ANO2: variants seen among roughly 807,000 people sequenced by gnomAD.
ANO2 encodes the protein anoctamin-2.
ANO2 carries 101 observed loss-of-function variants against 124.2 expected under a neutral mutation model. The ratio of observed to expected loss-of-function variants is 0.81; its 90% CI spans 0.69 to 0.96. ANO2 has a LOEUF of 0.96. ANO2 is among the 40% of genes least tolerant of loss of function. The pLI, the probability that ANO2 is intolerant of heterozygous loss-of-function variation, is 0.00. For synonymous variants in ANO2, 486 were observed against 482.5 expected, an observed-to-expected ratio of 1.01 and a Z score of -0.09; for missense variants, 1,293 against 1,274.5, an observed-to-expected ratio of 1.01 and a Z score of -0.22.
chr12:5,631,186 G>A (rs934482982), intron 16 of ANO2, among the ~76,000 whole-genome samples: 6 of 152,172 alleles, frequency 3.9e-5, no homozygotes, highest in South Asian at 2.1e-4. Flanking sequence ...TGTGTGATGC[G>A]GTAAGATCAG....
chr12:5,566,930 A>G (rs1436069600), intron 23 of ANO2, among the ~76,000 whole-genome samples: 1 of 152,234 alleles, frequency 6.6e-6, no homozygotes, highest in Non-Finnish European at 1.5e-5. Context: ...CCTGCCATAA[A>G]TGAATTAGCT....
chr12:5,643,698 T>C (rs890014720), intron 15 of ANO2, among the ~76,000 whole-genome samples: 2 of 152,264 alleles, frequency 1.3e-5, no homozygotes, highest in Admixed American at 1.3e-4. Context: ...TCTTTTGATC[T>C]ATATCTTTTC....
At chr12:5,878,141 A>G (rs1212903174) in intron 3 of ANO2, among the ~76,000 whole-genome samples, 1 of 152,268 alleles carries the variant, frequency 6.6e-6, no homozygotes, top group Non-Finnish European at 1.5e-5. Context: ...AATCACTACT[A>G]TGAATGGGAA....
intron 14 of ANO2, among the ~76,000 whole-genome samples, chr12:5,711,112 C>A (rs1268306995): frequency 6.6e-6 from 1 of 150,604 alleles, no homozygotes; most frequent in Non-Finnish European, 1.5e-5. Context: ...GAGCAGAGAT[C>A]GCGCCACTGT....
intron 19 of ANO2, among the ~76,000 whole-genome samples, chr12:5,612,161 T>A (rs984549251): frequency 6.6e-6 from 1 of 152,166 alleles, no homozygotes; most frequent in Non-Finnish European, 1.5e-5. Flanking sequence ...CCTATGACAT[T>A]TTCATAAAAC....
In ANO2 at chr12:5,844,359, G is replaced by A. The variant is rs149325592; in HGVS notation, c.633+9684C>T. 5.7e-3 allele frequency among the ~76,000 whole-genome samples: 869 copies of A among 152,242 alleles called. 9 individuals are homozygous for A. The highest frequency in any genetic ancestry group is 0.032 in the South Asian group (156 of 4,808). The stretch of plus-strand genomic sequence containing the variant: ...GGGGACACAGGGCAGTTTCAGAATA[G>A]GCACCACAGGCAAAGTGTACTACTG... On this transcript the variant is annotated intron_variant, in intron 4 of 24. Transcript: ENST00000682330.
chr12:5,635,432 GTTATCAGATATTATTAATCTGGAATCTT>G lies in ANO2; in HGVS notation c.1621-113_1621-86del. On this transcript the variant is annotated intron_variant, in intron 15 of 24. Transcript: ENST00000682330. The surrounding 1 kb of genome is among the most constrained non-coding windows in gnomAD (Gnocchi z 5.2). ...TGCTCTGCCAACAGTACCATTTGCTGTTATCAGATATTATTAATCTGGAATCTTTTGTTGGGTAACAAGGGATTCCAGA... is the reference window on the plus strand; with the variant it reads ...TGCTCTGCCAACAGTACCATTTGCTGTTGTTGGGTAACAAGGGATTCCAGA... 1 of 1,047,072 alleles carries G rather than the reference GTTATCAGATATTATTAATCTGGAATCTT, an allele frequency of 9.6e-7. No homozygotes were observed. The highest frequency in any genetic ancestry group is 1.6e-5 in the African/African-American group (1 of 61,734). The allele number at this position is 1,047,072 out of a possible 1,614,324, so 64.9% of individuals were successfully genotyped here. A position where few individuals can be genotyped will look rare whatever the true frequency, so the allele number is the denominator to read the frequency against.
intron 10 of ANO2, among the ~76,000 whole-genome samples, chr12:5,773,267 AC>A (rs547850053): frequency 2.6e-5 from 4 of 152,144 alleles, no homozygotes; most frequent in Non-Finnish European, 5.9e-5. Context: ...GTCCTCAATT[AC>A]CCATTTGAGC....
At chr12:5,917,768 C>T (rs759202322) in intron 3 of ANO2, among the ~76,000 whole-genome samples, 17 of 151,894 alleles carry the variant, frequency 1.1e-4, no homozygotes, top group Non-Finnish European at 1.8e-4. Context: ...AGGTTTTCAC[C>T]GTGTTGGCCA....
chr12:5,939,679 T>C (rs551281035), intron 1 of ANO2, among the ~76,000 whole-genome samples: 1 of 152,354 alleles, frequency 6.6e-6, no homozygotes, highest in South Asian at 2.1e-4. Flanking sequence ...AGTAATGCCA[T>C]TCCTGTTTTC....
At chr12:5,597,321 C>T in intron 20 of ANO2, among the ~76,000 whole-genome samples, 1 of 152,130 alleles carries the variant, frequency 6.6e-6, no homozygotes, top group East Asian at 1.9e-4. Context: ...CATGGTTTAG[C>T]TCCCACTTAT....
intron 9 of ANO2, among the ~76,000 whole-genome samples, chr12:5,804,951 A>G (rs1953146557): frequency 6.6e-6 from 1 of 152,180 alleles, no homozygotes; most frequent in Non-Finnish European, 1.5e-5. Flanking sequence ...GAGGACAGAA[A>G]ATGGTTGGGC....
At chr12:5,859,814 G>A (rs557167522) in intron 3 of ANO2, among the ~76,000 whole-genome samples, 5 of 152,228 alleles carry the variant, frequency 3.3e-5, no homozygotes, top group Admixed American at 1.3e-4. Flanking sequence ...AATTACAGAC[G>A]TGAGTCACCA....
At chr12:5,709,809 G>A (rs564229949) in intron 14 of ANO2, among the ~76,000 whole-genome samples, 1 of 152,296 alleles carries the variant, frequency 6.6e-6, no homozygotes, top group East Asian at 1.9e-4. Context: ...GTTCTGTAAG[G>A]ACAGAGCATC....
intron 14 of ANO2, among the ~76,000 whole-genome samples, chr12:5,655,968 T>G (rs778989746): frequency 6.0e-4 from 91 of 152,288 alleles, no homozygotes; most frequent in Admixed American, 2.2e-3. Flanking sequence ...AGAGTTCAAG[T>G]AAGTTAAGAG....
intron 9 of ANO2, among the ~76,000 whole-genome samples, chr12:5,805,301 G>A (rs1221717324): frequency 6.6e-6 from 1 of 152,168 alleles, no homozygotes; most frequent in African/African-American, 2.4e-5. Flanking sequence ...TTGAGCTTCA[G>A]CTCCTCAACC....
In ANO2 at chr12:5,578,156, A is replaced by G. The variant is rs1462288831; in HGVS notation, c.2387-149T>C. Reference sequence around the variant, plus strand: ...TGGGCTTGTCTGGAAAGGCTTAGGTAGCCCCCCCATCTGGAAGCTCAGATC... The same window carrying G: ...TGGGCTTGTCTGGAAAGGCTTAGGTGGCCCCCCCATCTGGAAGCTCAGATC... On this transcript the variant is annotated intron_variant, in intron 21 of 24. Coordinates refer to ENST00000682330, the MANE Select transcript of ANO2 (RefSeq NM_001364791.2). 8.1e-6 allele frequency: 10 copies of G among 1,238,892 alleles called. No homozygotes were observed. In the Admixed American group the frequency reaches 1.7e-4, roughly 21 times the overall value. 76.7% of individuals were successfully genotyped at this position (1,238,892 alleles called of 1,614,324 possible).
intron 20 of ANO2, 123 bp downstream of exon 20, chr12:5,599,361 A>AATTTC: frequency 1.7e-6 from 2 of 1,188,950 alleles, no homozygotes; most frequent in East Asian, 5.0e-5. Context: ...AATAGCCATG[A>AATTTC]AGCTCATGAA....
At chr12:5,819,642 G>C (rs1953721232) in intron 7 of ANO2, among the ~76,000 whole-genome samples, 1 of 152,196 alleles carries the variant, frequency 6.6e-6, no homozygotes, top group African/African-American at 2.4e-5. Flanking sequence ...AGTCACTTTA[G>C]ACCTACTCAT....
Sources: allele counts gnomAD v4.1 joint callset (sites outside exome capture counted in the v4.1 genomes callset), GRCh38; gene constraint gnomAD v4.1.1; non-coding constraint Gnocchi (gnomAD v3.1); transcripts MANE v1.5; gene names NCBI Gene and HGNC (gene_info 2026-07-23, HGNC 2026-07-21).